The following DHRSX variants were observed in gnomAD, a reference collection of about 807,000 sequenced individuals.
DHRSX encodes dehydrogenase/reductase X-linked, also known as polyprenol dehydrogenase.
DHRSX carries 31 observed loss-of-function variants against 34.0 expected under a neutral mutation model. The ratio of observed to expected loss-of-function variants is 0.91; its 90% CI spans 0.69 to 1.23. DHRSX has a LOEUF of 1.23. DHRSX is among the 50% of genes most tolerant of loss of function. The probability of loss-of-function intolerance (pLI) is 0.00; values close to 1 mark genes in which losing one functional copy is unlikely to be tolerated. For missense variants in DHRSX, 414 were observed against 428.1 expected (o/e 0.97, Z 0.29); for synonymous variants, 201 against 183.8 (o/e 1.09, Z -0.76).
At chrX:2,309,689 T>C (rs762511958) in intron 3 of DHRSX, among the ~76,000 whole-genome samples, 1 of 152,172 alleles carries the variant, frequency 6.6e-6, no homozygotes, top group East Asian at 1.9e-4. Flanking sequence ...GGTGGGAGGA[T>C]TGCTTGAGGC....
At chrX:2,345,655 C>CAAA (rs71309483) in intron 3 of DHRSX, among the ~76,000 whole-genome samples, 10 of 118,546 alleles carry the variant, frequency 8.4e-5, no homozygotes, top group African/African-American at 3.2e-4. Context: ...AACTCTGTCT[C>CAAA]AAAAAAAAAA....
At chrX:2,241,476 G>A (rs1455771917) in intron 6 of DHRSX, among the ~76,000 whole-genome samples, 1 of 152,132 alleles carries the variant, frequency 6.6e-6, no homozygotes, top group East Asian at 1.9e-4. Context: ...AAAATGACCA[G>A]TGTCCCCTTC....
At chrX:2,479,627 T>C (rs2044738890) in intron 1 of DHRSX, among the ~76,000 whole-genome samples, 3 of 138,448 alleles carry the variant, frequency 2.2e-5, no homozygotes, top group African/African-American at 5.5e-5. Flanking sequence ...AAGGGACCAC[T>C]GCCCTGTGCA....
intron 1 of DHRSX, among the ~76,000 whole-genome samples, chrX:2,491,499 C>T (rs1212822787): frequency 6.6e-6 from 1 of 152,134 alleles, no homozygotes; most frequent in East Asian, 1.9e-4. Flanking sequence ...CACAAGTGGC[C>T]AGGCAGACCC....
chrX:2,371,876 A>G (rs1265008895), intron 3 of DHRSX, among the ~76,000 whole-genome samples: 2 of 152,188 alleles, frequency 1.3e-5, no homozygotes, highest in Non-Finnish European at 2.9e-5. Flanking sequence ...CATCCCTGAA[A>G]GGTGTACCTC....
At chrX:2,498,833 C>T (rs954533534) in intron 1 of DHRSX, among the ~76,000 whole-genome samples, 29 of 152,140 alleles carry the variant, frequency 1.9e-4, no homozygotes, top group Non-Finnish European at 3.4e-4. Flanking sequence ...CACAATTGTT[C>T]AGCAGCTGTA....
At chrX:2,298,203 C>A (rs912575229) in intron 3 of DHRSX, among the ~76,000 whole-genome samples, 18 of 151,934 alleles carry the variant, frequency 1.2e-4, no homozygotes, top group Admixed American at 1.0e-3. Flanking sequence ...CCAAAAGGAT[C>A]CTCCCCTAGA....
intron 2 of DHRSX, among the ~76,000 whole-genome samples, chrX:2,419,518 C>T (rs1365349696): frequency 6.6e-6 from 1 of 152,034 alleles, no homozygotes; most frequent in Non-Finnish European, 1.5e-5. Context: ...CACACGCACA[C>T]GTATGTTTAT....
chrX:2,223,702 C>T (rs145149579), intron 6 of DHRSX, among the ~76,000 whole-genome samples: 1,654 of 152,248 alleles, frequency 0.011, 38 homozygotes, highest in African/African-American at 0.035. Context: ...CAGCCTTCAA[C>T]GCAGAAAGAG....
chrX:2,330,728 A>G (rs1396587153), intron 3 of DHRSX, among the ~76,000 whole-genome samples: 2 of 150,040 alleles, frequency 1.3e-5, no homozygotes, highest in Admixed American at 1.3e-4. Flanking sequence ...GGAAGGAAGA[A>G]GTAGGAGGGG....
chrX:2,411,129 C>G (rs1040655111), intron 2 of DHRSX, among the ~76,000 whole-genome samples: 1 of 152,106 alleles, frequency 6.6e-6, no homozygotes, highest in Non-Finnish European at 1.5e-5. Context: ...AATTCAAAGT[C>G]AAGGTAACCT....
chrX:2,277,458 GGA>G (rs747949314), intron 4 of DHRSX, among the ~76,000 whole-genome samples: 1 of 56,220 alleles, frequency 1.8e-5, no homozygotes, highest in Non-Finnish European at 3.8e-5. Context: ...GAGGGAACAG[GGA>G]GAGAGAGGGA....
intron 1 of DHRSX, among the ~76,000 whole-genome samples, chrX:2,457,300 T>C (rs2044312940): frequency 1.4e-5 from 2 of 147,364 alleles, no homozygotes; most frequent in South Asian, 4.4e-4. Context: ...GGCAGCGGGA[T>C]GGCCACTGTG....
At chrX:2,499,018 C>A (rs2045348554) in intron 1 of DHRSX, among the ~76,000 whole-genome samples, 1 of 152,198 alleles carries the variant, frequency 6.6e-6, no homozygotes, top group African/African-American at 2.4e-5. Flanking sequence ...GCTTAGCTCA[C>A]AGAAAACTCA....
intron 3 of DHRSX, among the ~76,000 whole-genome samples, chrX:2,318,098 G>A (rs1423373342): frequency 6.6e-6 from 1 of 151,274 alleles, no homozygotes; most frequent in Non-Finnish European, 1.5e-5. Context: ...TAATACCAGA[G>A]CTTTGGGAGG....
intron 1 of DHRSX, chrX:2,486,572 A>G (rs2044936534): frequency 6.6e-6 from 1 of 152,226 alleles, no homozygotes; most frequent in Non-Finnish European, 1.5e-5. Context: ...GTGAGTGAGG[A>G]AAAGCGAAGG....
At chrX:2,436,556 A>C (rs764714964) in intron 1 of DHRSX, among the ~76,000 whole-genome samples, 5 of 150,474 alleles carry the variant, frequency 3.3e-5, no homozygotes, top group African/African-American at 1.2e-4. Flanking sequence ...TGCAGTGGTG[A>C]AAACACAGCT....
At chrX:2,244,274 C>T (rs149433365) in intron 5 of DHRSX, among the ~76,000 whole-genome samples, 205 of 149,784 alleles carry the variant, frequency 1.4e-3, no homozygotes, top group Non-Finnish European at 2.4e-3. Flanking sequence ...AAAATCGATC[C>T]GATAACCGCG....
chrX:2,393,058 C>T (rs921386384), intron 3 of DHRSX, among the ~76,000 whole-genome samples: 7 of 145,822 alleles, frequency 4.8e-5, no homozygotes, highest in Non-Finnish European at 8.9e-5. Flanking sequence ...AATATAAATT[C>T]ATATTATGTC....
Sources: allele counts gnomAD v4.1 joint callset (sites outside exome capture counted in the v4.1 genomes callset), GRCh38; gene constraint gnomAD v4.1.1; transcripts MANE v1.5; gene names NCBI Gene and HGNC (gene_info 2026-07-23, HGNC 2026-07-21).